Variants in SUN5 observed in about 807,000 individuals in gnomAD.
The protein encoded by SUN5 is Sad1 and UNC84 domain containing 5, also known as SUN domain-containing protein 5.
SUN5 carries 44 observed loss-of-function variants against 53.7 expected under a neutral mutation model. The observed-to-expected ratio is 0.82, with a 90% CI of 0.64 to 1.05. The LOEUF (loss-of-function observed/expected upper bound fraction) is 1.05, where lower values mean the gene tolerates loss of function less well. SUN5 is among the 50% of genes least tolerant of loss of function. SUN5 has a pLI of 0.00. For synonymous variants in SUN5, 166 were observed against 179.8 expected (o/e 0.92, Z 0.62); for missense variants, 433 against 483.8 (o/e 0.90, Z 0.98).
chr20:32,985,064 G>A (rs1229894113), intron 12 of SUN5, 35 bp downstream of exon 12: 2 of 1,599,134 alleles, frequency 1.3e-6, no homozygotes, highest in South Asian at 2.2e-5. Context: ...TGTGCATTCA[G>A]CAGGTGCTCA....
At chr20:33,002,296 A>G (rs535339647) in intron 3 of SUN5, among the ~76,000 whole-genome samples, 7 of 152,186 alleles carry the variant, frequency 4.6e-5, no homozygotes, top group Non-Finnish European at 1.0e-4. Flanking sequence ...GATGAACTCA[A>G]CAGGTGGATG....
Position 32,998,852 on chromosome 20 carries a change from C to CAAA in SUN5, c.341-1168_341-1166dup, listed in dbSNP as rs141684056. 1.1e-3 allele frequency among the ~76,000 whole-genome samples: 160 copies of CAAA among 141,724 alleles called. 2 individuals carry two copies. Among genetic ancestry groups the CAAA allele is most frequent in the South Asian group, 0.011 (49 of 4,470 alleles). 93.0% of individuals were successfully genotyped at this position (141,724 alleles called of 152,430 possible). Reference sequence around the variant, plus strand: ...GCAACACAACAAGACTCAATCTCTCCAAAAAAAAAAAAATTTAAACAAAAA... The same window carrying CAAA: ...GCAACACAACAAGACTCAATCTCTCCAAAAAAAAAAAAAAAATTTAAACAAAAA... On this transcript the variant is annotated intron_variant, in intron 5 of 12. Transcript: ENST00000356173.
intron 1 of SUN5, among the ~76,000 whole-genome samples, chr20:33,003,530 C>T (rs1990110371): frequency 6.6e-6 from 1 of 152,166 alleles, no homozygotes; most frequent in African/African-American, 2.4e-5. Context: ...GGAATTAACA[C>T]ACTCCGGAGC....
rs370021479 is a variant in SUN5 at position 32,985,102 on chromosome 20, G to A, written c.981C>T (p.Leu327=). ...QPENIIQMFP[L]QNQPARAFSA... ...ACAGGCAGCTCTTCGCAGGTACCTG[G>A]AGTGGGAACATCTGGATGATGTTTT... The change falls in exon 12 of 13, where the codon CTC becomes CTT. Residue 327 remains leucine (L), a synonymous_variant. Coordinates refer to ENST00000356173, the MANE Select transcript of SUN5 (RefSeq NM_080675.4). The A allele has an allele frequency of 6.2e-7, 1 of 1,614,020 alleles. No homozygotes were observed. The highest frequency in any genetic ancestry group is 1.3e-5 in the African/African-American group (1 of 74,924).
In SUN5 at chr20:32,985,722, A is replaced by T. The variant is rs2274343; in HGVS notation, c.897+14T>A. ...CCTTTAGCTAAGCATAGCTCCCTGCAGGGGAGTGCTCACATAGATGACGAA... is the reference window on the plus strand; with the variant it reads ...CCTTTAGCTAAGCATAGCTCCCTGCTGGGGAGTGCTCACATAGATGACGAA... On this transcript the variant is annotated intron_variant, in intron 11 of 12. Transcript: ENST00000356173. 75 of 1,613,150 alleles carry T rather than the reference A, an allele frequency of 4.6e-5. No homozygotes were observed. In the African/African-American group the frequency reaches 5.2e-4, roughly 11 times the overall value.
rs112468655 is a variant in SUN5 at position 33,001,519 on chromosome 20, C to CTTCTTTCTTTCTTTCTTTCT, written c.212-261_212-242dup. On this transcript the variant is annotated intron_variant, in intron 3 of 12. Coordinates refer to ENST00000356173, the MANE Select transcript of SUN5 (RefSeq NM_080675.4). ...CAGTTAACAGACATTTTCTTTCTTT[C>CTTCTTTCTTTCTTTCTTTCT]TTCTTTCTTTCTTTCTTTCTTTCTT... Among the ~76,000 whole-genome samples, 331 of 121,390 alleles carry CTTCTTTCTTTCTTTCTTTCT rather than the reference C, an allele frequency of 2.7e-3. 6 individuals are homozygous for CTTCTTTCTTTCTTTCTTTCT. The highest frequency in any genetic ancestry group is 7.9e-3 in the Middle Eastern group (2 of 252). The allele number at this position is 121,390 out of a possible 152,430, so 79.6% of individuals were successfully genotyped here.
At chr20:33,000,917 C>T (rs890529644) in intron 4 of SUN5, among the ~76,000 whole-genome samples, 1 of 151,700 alleles carries the variant, frequency 6.6e-6, no homozygotes, top group Non-Finnish European at 1.5e-5. Context: ...AATGGTGTGC[C>T]CAGGGAGTGA....
chr20:32,995,579 G>A, intron 8 of SUN5, 40 bp downstream of exon 8: 1 of 1,557,102 alleles, frequency 6.4e-7, no homozygotes, highest in Non-Finnish European at 8.8e-7. Context: ...ATCAAACAAA[G>A]AGAAATTAGA....
At chr20:32,987,931 T>C (rs1989593003) in intron 9 of SUN5, among the ~76,000 whole-genome samples, 156 bp from the exon 10 acceptor site, 1 of 152,174 alleles carries the variant, frequency 6.6e-6, no homozygotes, top group South Asian at 2.1e-4. Context: ...ATGTTAATAA[T>C]GGTAATCATG....
Position 32,995,621 on chromosome 20 carries a change from C to T in SUN5, c.532G>A (p.Glu178Lys), listed in dbSNP as rs1989826764. 2 of 1,613,996 alleles carry T rather than the reference C, an allele frequency of 1.2e-6. No individual in the cohort carries two copies. The highest frequency in any genetic ancestry group is 1.7e-6 in the Non-Finnish European group (2 of 1,179,856). Reference protein sequence around the residue: ...KLQEMEAMSDEQKMAQKIMKM... With the variant: ...KLQEMEAMSDKQKMAQKIMKM... ...GGGCAGAATGGCCAGCGTCTCACCT[C>T]ATCGGACATGGCTTCCATCTCCTGG... The change falls in exon 8 of 13, where the codon GAG becomes AAG. Residue 178 changes from glutamate to lysine, a missense_variant and splice_region_variant. By Grantham distance (56) the Glu-to-Lys change is moderately conservative. Transcript: ENST00000356173.
intron 10 of SUN5, 49 bp downstream of exon 10, chr20:32,987,611 G>A (rs770773234): frequency 7.6e-6 from 11 of 1,447,904 alleles, no homozygotes; most frequent in Non-Finnish European, 1.0e-5. Flanking sequence ...CCCAAACCCT[G>A]CCCGGACCAC....
intron 8 of SUN5, among the ~76,000 whole-genome samples, chr20:32,992,763 A>G (rs1989743429): frequency 6.6e-6 from 1 of 152,214 alleles, no homozygotes; most frequent in African/African-American, 2.4e-5. Flanking sequence ...CTCTCCCCCA[A>G]AAGGCAACAG....
chr20:32,996,503 A>G (rs1481717992), intron 6 of SUN5, 145 bp from the exon 7 acceptor site: 1 of 626,700 alleles, frequency 1.6e-6, no homozygotes, highest in African/African-American at 1.8e-5. Flanking sequence ...CTACCCACCT[A>G]TCATTTCTCC....
chr20:32,998,574 G>T (rs993732232), intron 5 of SUN5, among the ~76,000 whole-genome samples: 1 of 152,146 alleles, frequency 6.6e-6, no homozygotes, highest in African/African-American at 2.4e-5. Flanking sequence ...CCATGATAAA[G>T]ACCATCCATG....
intron 8 of SUN5, among the ~76,000 whole-genome samples, chr20:32,993,916 T>C (rs1989772596): frequency 6.6e-6 from 1 of 152,218 alleles, no homozygotes; most frequent in Non-Finnish European, 1.5e-5. Context: ...GATGAGTCAA[T>C]ACTGTGCTTC....
intron 9 of SUN5, 72 bp from the exon 10 acceptor site, chr20:32,987,847 CCTGA>C (rs1249240736): frequency 4.0e-6 from 5 of 1,253,962 alleles, no homozygotes; most frequent in East Asian, 4.9e-5. Context: ...ACTGATGGGC[CCTGA>C]CTATGTGCCG....
At chr20:32,987,357 TG>T (rs1489361478) in intron 10 of SUN5, among the ~76,000 whole-genome samples, 1 of 152,102 alleles carries the variant, frequency 6.6e-6, no homozygotes, top group Non-Finnish European at 1.5e-5. Flanking sequence ...GGCTGAGTGG[TG>T]GGGTCCCTCC....
intron 8 of SUN5, among the ~76,000 whole-genome samples, chr20:32,990,650 G>A (rs1025112383): frequency 6.6e-6 from 1 of 152,230 alleles, no homozygotes; most frequent in Non-Finnish European, 1.5e-5. Context: ...AGAGGCCACA[G>A]ATGGGTGCTT....
At chr20:32,986,429 AAG>A (rs1383024113) in intron 10 of SUN5, among the ~76,000 whole-genome samples, 2 of 152,164 alleles carry the variant, frequency 1.3e-5, no homozygotes, top group Non-Finnish European at 2.9e-5. Flanking sequence ...CAGGGAGAGA[AAG>A]AGGTTTGATG....
Sources: allele counts gnomAD v4.1 joint callset (sites outside exome capture counted in the v4.1 genomes callset), GRCh38; gene constraint gnomAD v4.1.1; transcripts MANE v1.5; gene names NCBI Gene and HGNC (gene_info 2026-07-23, HGNC 2026-07-21).